The following CDCA2 variants were observed in gnomAD, a reference collection of about 807,000 sequenced individuals.
CDCA2 encodes cell division cycle associated 2.
In CDCA2, 44 loss-of-function variants were observed where a neutral mutation model predicts 67.0. The observed-to-expected ratio is 0.66, with a 90% CI of 0.52 to 0.84. The LOEUF (loss-of-function observed/expected upper bound fraction) is 0.84, where lower values mean the gene tolerates loss of function less well. CDCA2 is among the 40% of genes least tolerant of loss of function. The pLI is 0.00. For synonymous variants in CDCA2, 447 were observed against 418.7 expected (o/e 1.07, Z -0.82); for missense variants, 1,253 against 1,203.2 (o/e 1.04, Z -0.61).
At position 25,484,191 on chromosome 8, in the gene CDCA2, A is replaced by G. The variant is rs775050210; in HGVS notation, c.1346A>G (p.Asp449Gly). Reference protein sequence around the residue: ...VPEPLPQPDFDDKGENLENIE... With the variant: ...VPEPLPQPDFGDKGENLENIE... ...GAGCCATTACCTCAACCAGATTTTGATGACAAGGGGGAGAATCTTGTAAGT... is the reference window on the plus strand; with the variant it reads ...GAGCCATTACCTCAACCAGATTTTGGTGACAAGGGGGAGAATCTTGTAAGT... Residue 449 changes from aspartate to glycine, a missense_variant, in exon 10 of 15, where the codon GAT becomes GGT. Physicochemically the swap from Asp to Gly is moderately conservative, Grantham distance 94. Transcript: ENST00000330560. The G allele has an allele frequency of 8.7e-6, 14 of 1,614,112 alleles. No individual in the cohort carries two copies. Among genetic ancestry groups the G allele is most frequent in the Middle Eastern group, 1.7e-4 (1 of 6,060 alleles).
intron 7 of CDCA2, among the ~76,000 whole-genome samples, chr8:25,479,028 C>T (rs189529313): frequency 2.0e-5 from 3 of 152,042 alleles, no homozygotes; most frequent in East Asian, 1.9e-4. Flanking sequence ...TGCATAGCTA[C>T]GATATATTAA....
intron 12 of CDCA2, 28 bp from the exon 13 acceptor site, chr8:25,488,524 G>A (rs747268483): frequency 8.9e-6 from 14 of 1,568,578 alleles, no homozygotes; most frequent in Admixed American, 3.9e-5. Context: ...TGTGCTTTAC[G>A]GTATCCTACT....
At chr8:25,465,494 C>G (rs371127021) in intron 4 of CDCA2, among the ~76,000 whole-genome samples, 18 of 152,166 alleles carry the variant, frequency 1.2e-4, no homozygotes, top group African/African-American at 3.9e-4. Context: ...TCTATCCCTG[C>G]TAATATAAAT....
At chr8:25,467,367 C>G (rs180760300) in intron 5 of CDCA2, among the ~76,000 whole-genome samples, 134 of 152,286 alleles carry the variant, frequency 8.8e-4, no homozygotes, top group Non-Finnish European at 1.5e-3. Context: ...CCTCATCTAC[C>G]TCTAGAGTGC....
At chr8:25,483,377 C>T (rs761622034) in intron 8 of CDCA2, 22 bp from the exon 9 acceptor site, 2 of 1,472,758 alleles carry the variant, frequency 1.4e-6, no homozygotes, top group Non-Finnish European at 9.2e-7. Flanking sequence ...TAAAATTATT[C>T]ATTAATGTTT....
chr8:25,497,479 C>A, intron 13 of CDCA2, among the ~76,000 whole-genome samples: 1 of 126,570 alleles, frequency 7.9e-6, no homozygotes, highest in African/African-American at 3.2e-5. Flanking sequence ...ATCTTACTTA[C>A]ATGTGGAATC....
chr8:25,460,316 C>T lies in CDCA2; in HGVS notation c.61+16C>T, dbSNP rs1430921507. ...AATAATGCTGGTATGTGATGATCTG[C>T]CTCCTTGTGAAGTTGAAGGTTTAGA... is the stretch of plus-strand genomic sequence containing the variant. On this transcript the variant is annotated intron_variant, in intron 2 of 14. Transcript: ENST00000330560. 3 of 1,614,058 alleles carry T rather than the reference C, an allele frequency of 1.9e-6. No individual in the cohort carries two copies. Among genetic ancestry groups the T allele is most frequent in the Non-Finnish European group, 2.5e-6 (3 of 1,179,934 alleles).
In CDCA2 at chr8:25,506,542, G is replaced by A. The variant is rs199831515; in HGVS notation, c.1876G>A (p.Val626Met). 187 of 1,587,466 alleles carry A rather than the reference G, an allele frequency of 1.2e-4. No homozygotes were observed. The highest frequency in any genetic ancestry group is 1.5e-4 in the Non-Finnish European group (179 of 1,172,244). The change falls in exon 15 of 15, where the codon GTG (valine) becomes ATG (methionine). Residue 626 changes from valine (V) to methionine (M), a missense_variant. By Grantham distance (21) the Val-to-Met change is conservative (BLOSUM62 1). Transcript: ENST00000330560. ...CAGTTCAAATGGCAAACTGGAAGAA[G>A]TGAAGACTCCTAAAAATCCAGTGAA... ...YFSSNGKLEE[V>M]KTPKNPVKRK... is the part of the protein sequence containing the mutation.
chr8:25,476,407 C>T (rs774030032), intron 7 of CDCA2, among the ~76,000 whole-genome samples: 21 of 152,148 alleles, frequency 1.4e-4, no homozygotes, highest in Non-Finnish European at 1.0e-4. Context: ...TCCTTGCTTC[C>T]TGTACCATTG....
rs757136542 is a variant in CDCA2 at position 25,460,259 on chromosome 8, A to G, written c.20A>G (p.Asp7Gly). 6.8e-6 allele frequency: 11 copies of G among 1,614,192 alleles called. No homozygotes were observed. In the South Asian group the frequency reaches 1.2e-4, roughly 18 times the overall value. Reference sequence around the variant, plus strand: ...TCTTAGATGGATGCCAATTCAAAAGACAAGCCCCCTGAAACCAAGGAGTCT... The same window carrying G: ...TCTTAGATGGATGCCAATTCAAAAGGCAAGCCCCCTGAAACCAAGGAGTCT... The part of the protein sequence containing the change: MDANSK[D>G]KPPETKESAM... The change falls in exon 2 of 15, where the codon GAC (aspartate) becomes GGC (glycine). Residue 7 changes from aspartate to glycine, a missense_variant. Coordinates refer to ENST00000330560, the MANE Select transcript of CDCA2 (RefSeq NM_152562.4).
chr8:25,485,711 A>C (rs919519718), intron 10 of CDCA2, 48 bp from the exon 11 acceptor site: 1 of 1,086,692 alleles, frequency 9.2e-7, no homozygotes, highest in African/African-American at 1.6e-5. Context: ...CACATTATGT[A>C]TTCACTGCAT....
At chr8:25,468,556 T>TGTGTGCGTGC (rs1488757943) in intron 6 of CDCA2, 143 bp downstream of exon 6, 3 of 494,052 alleles carry the variant, frequency 6.1e-6, no homozygotes, top group South Asian at 6.7e-5. Context: ...TGTGTGTGTG[T>TGTGTGCGTGC]GCGTGTGTGT....
chr8:25,499,747 G>A (rs1804395696), intron 13 of CDCA2, among the ~76,000 whole-genome samples: 1 of 152,214 alleles, frequency 6.6e-6, no homozygotes, highest in African/African-American at 2.4e-5. Context: ...TGATTTTGGA[G>A]TAAACGAAAT....
chr8:25,468,806 T>C (rs1182746021), intron 6 of CDCA2, among the ~76,000 whole-genome samples: 2 of 152,146 alleles, frequency 1.3e-5, no homozygotes, highest in Admixed American at 1.3e-4. Flanking sequence ...TCAGTGGAGC[T>C]GGTGGATCAG....
At position 25,459,273 on chromosome 8, in the gene CDCA2, A is replaced by G. The variant is rs3812421; in HGVS notation, c.-201A>G. The G allele has an allele frequency of 0.4, 61,062 of 152,208 alleles. 12,694 individuals are homozygous for G. The highest frequency in any genetic ancestry group is 0.52 in the African/African-American group (21,597 of 41,426). 9.4% of individuals were successfully genotyped at this position (152,208 alleles called of 1,614,324 possible). ...GCAGAGCGCAGGCCAGGATCAGCGC[A>G]GGCTGTGAGTCCAGGTCAGCCGTCG... On this transcript the variant is annotated 5_prime_UTR_variant, in exon 1 of 15. Coordinates refer to ENST00000330560, the MANE Select transcript of CDCA2 (RefSeq NM_152562.4).
chr8:25,465,215 C>T (rs542609443), intron 4 of CDCA2, among the ~76,000 whole-genome samples: 15 of 152,132 alleles, frequency 9.9e-5, no homozygotes. Context: ...CTCAAGTGAT[C>T]CTCCCACCTT....
rs1468031607 is a variant in CDCA2, at chr8:25,506,667, A to G, written c.2001A>G (p.Ser667=). 6.2e-7 allele frequency: 1 copy of G among 1,613,252 alleles called. No individual in the cohort carries two copies. The highest frequency in any genetic ancestry group is 8.5e-7 in the Non-Finnish European group (1 of 1,179,886). The change falls in exon 15 of 15, where the codon TCA becomes TCG. Residue 667 remains serine, a synonymous_variant. Coordinates refer to ENST00000330560, the MANE Select transcript of CDCA2 (RefSeq NM_152562.4). ...TCTGCTCTTATATAAAAAGTTCCTC[A>G]TCGCTTGGCAATGCTACTTCTGATG... ...SEFCSYIKSS[S]SLGNATSDED...
chr8:25,487,490 C>G (rs1803825214), intron 12 of CDCA2, among the ~76,000 whole-genome samples, 156 bp downstream of exon 12: 1 of 152,094 alleles, frequency 6.6e-6, no homozygotes, highest in African/African-American at 2.4e-5. Flanking sequence ...GCCTGTAATC[C>G]CAATGCTTTG....
chr8:25,486,464 C>T (rs1388430860), intron 11 of CDCA2, among the ~76,000 whole-genome samples: 1 of 152,068 alleles, frequency 6.6e-6, no homozygotes, highest in Non-Finnish European at 1.5e-5. Flanking sequence ...CTATCACATT[C>T]CAAAGGCCAT....
Sources: gnomAD v4.1 joint callset for allele counts (sites outside exome capture counted in the v4.1 genomes callset) on GRCh38, gnomAD v4.1.1 for gene constraint, MANE v1.5 for transcripts, NCBI Gene and HGNC (gene_info 2026-07-23, HGNC 2026-07-21) for gene names.